The following PLXDC2 variants were observed in gnomAD, a reference collection of about 807,000 sequenced individuals.
PLXDC2 encodes the protein plexin domain containing 2.
A neutral mutation model predicts 68.9 loss-of-function variants in PLXDC2; 40 were observed. The observed-to-expected ratio is 0.58, with a 90% CI of 0.45 to 0.76. The LOEUF (loss-of-function observed/expected upper bound fraction) is 0.76. PLXDC2 is among the 30% of genes least tolerant of loss of function. The pLI is 0.00. For synonymous variants in PLXDC2, 243 were observed against 234.2 expected (o/e 1.04, Z -0.34); for missense variants, 644 against 661.9 (o/e 0.97, Z 0.30).
intron 6 of PLXDC2, among the ~76,000 whole-genome samples, chr10:20,161,412 A>C (rs953804118): frequency 2.0e-5 from 3 of 151,970 alleles, no homozygotes; most frequent in Admixed American, 6.6e-5. Context: ...GCAAGGGTCC[A>C]AGAAAGGAAG....
chr10:20,228,853 ACAAGT>A (rs1191798219), intron 12 of PLXDC2, among the ~76,000 whole-genome samples: 27 of 152,284 alleles, frequency 1.8e-4, no homozygotes, highest in Non-Finnish European at 4.4e-5. Flanking sequence ...AATGCTGCAG[ACAAGT>A]CAAGTTAAAA....
intron 9 of PLXDC2, among the ~76,000 whole-genome samples, chr10:20,192,167 G>T (rs1250733382): frequency 6.6e-6 from 1 of 151,992 alleles, no homozygotes; most frequent in Non-Finnish European, 1.5e-5. Context: ...AGGCTGCATG[G>T]ATTGTAGAAG....
chr10:19,873,685 T>A (rs1837584345), intron 1 of PLXDC2, among the ~76,000 whole-genome samples: 1 of 152,204 alleles, frequency 6.6e-6, no homozygotes, highest in Non-Finnish European at 1.5e-5. Flanking sequence ...CAAAAACATT[T>A]GTAAAATATC....
Position 20,245,378 on chromosome 10 carries a change from G to A in PLXDC2, c.1346G>A (p.Gly449Glu). ...STDDSAAEKKGGTLHAGLIIG... is the reference protein window; with the variant it reads ...STDDSAAEKKEGTLHAGLIIG... ...GATGACAGTGCAGCTGAGAAGAAAG[G>A]GGGAACCCTCCACGCTGGCCTCATC... Residue 449 changes from glycine (G) to glutamate (E), a missense_variant, in exon 13 of 14, where the codon GGG becomes GAG. Transcript: ENST00000377252. The A allele has an allele frequency of 2.5e-6, 4 of 1,613,812 alleles. No homozygotes were observed. Among genetic ancestry groups the A allele is most frequent in the Non-Finnish European group, 3.4e-6 (4 of 1,179,824 alleles).
Position 20,280,599 on chromosome 10 carries a change from T to C in PLXDC2, c.*780T>C, listed in dbSNP as rs1405083887. On this transcript the variant is annotated 3_prime_UTR_variant, in exon 14 of 14. Transcript: ENST00000377252. The stretch of plus-strand genomic sequence containing the variant: ...TTTCCTGCCTCAGCATGAAAACATC[T>C]GATTTATGCTTTATGGAAGCCTTAC... The C allele has an allele frequency of 6.6e-6, 1 of 152,156 alleles. No individual in the cohort carries two copies. The highest frequency in any genetic ancestry group is 1.5e-5 in the Non-Finnish European group (1 of 68,024). The allele number at this position is 152,156 out of a possible 1,614,324, so 9.4% of individuals were successfully genotyped here.
chr10:20,247,585 G>T (rs529185485), intron 13 of PLXDC2, among the ~76,000 whole-genome samples: 2 of 152,076 alleles, frequency 1.3e-5, no homozygotes, highest in African/African-American at 4.8e-5. Context: ...TTCCTGCCTC[G>T]GCAGCTGGGT....
Position 19,832,792 on chromosome 10 carries a change from C to T in PLXDC2, c.112+15601C>T, listed in dbSNP as rs543110785. Among the ~76,000 whole-genome samples, 10 of 152,250 alleles carry T rather than the reference C, an allele frequency of 6.6e-5. No homozygotes were observed. In the East Asian group the frequency reaches 1.4e-3, roughly 21 times the overall value. ...ACAAGGGAGCCGGGGAAGAGTCCCG[C>T]GGAGGTGTGTGTGGTGGGAAAGTTC... On this transcript the variant is annotated intron_variant, in intron 1 of 13. Coordinates refer to ENST00000377252, the MANE Select transcript of PLXDC2 (RefSeq NM_032812.9).
At chr10:20,107,495 C>A (rs958255211) in intron 4 of PLXDC2, among the ~76,000 whole-genome samples, 1 of 152,204 alleles carries the variant, frequency 6.6e-6, no homozygotes, top group Admixed American at 6.5e-5. Context: ...AAGCACCTAT[C>A]AGGCAACACC....
intron 3 of PLXDC2, among the ~76,000 whole-genome samples, chr10:20,063,510 T>C (rs2131701593): frequency 6.6e-6 from 1 of 152,308 alleles, no homozygotes; most frequent in Non-Finnish European, 1.5e-5. Flanking sequence ...AATTAATTCA[T>C]CCTTGCAATA....
At position 20,222,825 on chromosome 10, in the gene PLXDC2, A is replaced by G. The variant is rs952334590; in HGVS notation, c.1312+3723A>G. Reference sequence around the variant, plus strand: ...CAACATAGCAAGACCCTGTCCTTAAAAAAAAATTAAATAAAAAAATTAAAA... The same window carrying G: ...CAACATAGCAAGACCCTGTCCTTAAGAAAAAATTAAATAAAAAAATTAAAA... On this transcript the variant is annotated intron_variant, in intron 12 of 13. Transcript: ENST00000377252. Among the ~76,000 whole-genome samples the G allele has an allele frequency of 4.6e-5, 7 of 152,164 alleles. No individual in the cohort carries two copies. The East Asian group carries it at 9.6e-4, about 21-fold the overall frequency.
At chr10:20,050,694 TA>T (rs952496901) in intron 3 of PLXDC2, among the ~76,000 whole-genome samples, 196 of 147,452 alleles carry the variant, frequency 1.3e-3, no homozygotes, top group African/African-American at 4.6e-3. Flanking sequence ...TATTAAAAAG[TA>T]AAAAAAAAAA....
chr10:20,069,451 G>T (rs1316320960), intron 4 of PLXDC2, among the ~76,000 whole-genome samples: 1 of 152,106 alleles, frequency 6.6e-6, no homozygotes, highest in Non-Finnish European at 1.5e-5. Context: ...GAGCCCAGGA[G>T]TTGAAGACAA....
chr10:20,172,848 A>G lies in PLXDC2; in HGVS notation c.884-4151A>G, dbSNP rs187066515. Among the ~76,000 whole-genome samples the G allele has an allele frequency of 3.3e-5, 5 of 152,318 alleles. No homozygotes were observed. The East Asian group carries it at 9.6e-4, about 29-fold the overall frequency. On this transcript the variant is annotated intron_variant, in intron 7 of 13. Transcript: ENST00000377252. ...AGCAATGAGGGAATGTTGACAGGAA[A>G]ATCTAAAAGGCTTAAATTAGCATTT...
rs1836394994 is a variant in PLXDC2 at position 19,818,259 on chromosome 10, T to TGG, written c.112+1069_112+1070insGG. On this transcript the variant is annotated intron_variant, in intron 1 of 13. Coordinates refer to ENST00000377252, the MANE Select transcript of PLXDC2 (RefSeq NM_032812.9). ...GTGTGTGTGTGTGTGTGTGTGTGTGTGTGTGTGTGTGTGTAATTTAAATGA... is the reference window on the plus strand; with the variant it reads ...GTGTGTGTGTGTGTGTGTGTGTGTGTGGGTGTGTGTGTGTGTAATTTAAATGA... 2.0e-5 allele frequency among the ~76,000 whole-genome samples: 3 copies of TGG among 151,084 alleles called. No homozygotes were observed. In the South Asian group the frequency reaches 6.3e-4, roughly 32 times the overall value.
intron 1 of PLXDC2, among the ~76,000 whole-genome samples, chr10:19,966,391 T>TACAAA (rs1255853805): frequency 6.8e-6 from 1 of 147,462 alleles, no homozygotes; most frequent in Non-Finnish European, 1.5e-5. Flanking sequence ...TGTGCACATA[T>TACAAA]ATAAAATATA....
At chr10:20,184,374 AATTAT>A (rs963316905) in intron 9 of PLXDC2, among the ~76,000 whole-genome samples, 187 of 148,024 alleles carry the variant, frequency 1.3e-3, no homozygotes, top group African/African-American at 4.0e-3. Flanking sequence ...GTAATATATA[AATTAT>A]ATTATATATA....
intron 4 of PLXDC2, among the ~76,000 whole-genome samples, chr10:20,113,527 A>G (rs758106046): frequency 7.9e-5 from 12 of 152,068 alleles, no homozygotes; most frequent in South Asian, 4.1e-4. Context: ...CCATCCTTCC[A>G]TGGGTTCCTG....
intron 1 of PLXDC2, among the ~76,000 whole-genome samples, chr10:19,953,430 T>C (rs551181030): frequency 1.2e-4 from 18 of 152,332 alleles, no homozygotes; most frequent in African/African-American, 4.3e-4. Context: ...CGTGCTTGTT[T>C]GTTAAGGGTA....
intron 2 of PLXDC2, among the ~76,000 whole-genome samples, chr10:20,037,811 G>A (rs1835604533): frequency 6.6e-6 from 1 of 152,096 alleles, no homozygotes. Context: ...TGAGAGAGAT[G>A]GTTACTGGGA....
Sources: allele counts gnomAD v4.1 joint callset (sites outside exome capture counted in the v4.1 genomes callset), GRCh38; gene constraint gnomAD v4.1.1; transcripts MANE v1.5; gene names NCBI Gene and HGNC (gene_info 2026-07-23, HGNC 2026-07-21).